RSPO3: variants seen among roughly 807,000 people sequenced by gnomAD.
RSPO3 encodes the protein R-spondin 3.
In RSPO3, 17 loss-of-function variants were observed where a neutral mutation model predicts 36.5. The observed-to-expected ratio is 0.47, with a 90% CI of 0.32 to 0.70. The LOEUF is 0.70. Ranked by LOEUF, RSPO3 falls within the 30% of genes least tolerant of loss-of-function variation. RSPO3 has a pLI of 0.04. For missense variants in RSPO3, 294 were observed against 322.5 expected, an observed-to-expected ratio of 0.91 and a Z score of 0.68; for synonymous variants, 108 against 107.0, an observed-to-expected ratio of 1.01 and a Z score of -0.06.
chr6:127,143,608 T>C (rs1328415989), intron 1 of RSPO3, among the ~76,000 whole-genome samples: 1 of 152,208 alleles, frequency 6.6e-6, no homozygotes, highest in Non-Finnish European at 1.5e-5. Flanking sequence ...GTCAAACCTG[T>C]CTTATTAGTC....
intron 4 of RSPO3, among the ~76,000 whole-genome samples, chr6:127,189,272 G>A (rs1775359975): frequency 6.6e-6 from 1 of 151,878 alleles, no homozygotes; most frequent in Non-Finnish European, 1.5e-5. Flanking sequence ...GAGTGAGGAA[G>A]GTTTCCCTGA....
intron 1 of RSPO3, 78 bp from the exon 2 acceptor site, chr6:127,148,570 A>C: frequency 8.2e-7 from 1 of 1,214,290 alleles, no homozygotes; most frequent in South Asian, 1.7e-5. Flanking sequence ...GAAAGAGAAC[A>C]TATATCCTGC....
chr6:127,179,601 T>C (rs1775139573), intron 4 of RSPO3, among the ~76,000 whole-genome samples: 1 of 151,914 alleles, frequency 6.6e-6, no homozygotes, highest in African/African-American at 2.4e-5. Context: ...ATTAGTTTTT[T>C]GTTGCTGTCA....
chr6:127,186,064 G>A (rs960559011), intron 4 of RSPO3, among the ~76,000 whole-genome samples: 11 of 152,020 alleles, frequency 7.2e-5, no homozygotes, highest in Admixed American at 3.3e-4. Flanking sequence ...TTTGGAATTC[G>A]TTCAATTCTT....
Position 127,195,633 on chromosome 6 carries a change from C to T in RSPO3, c.635-190C>T, listed in dbSNP as rs59094281. Among the ~76,000 whole-genome samples the T allele has an allele frequency of 5.2e-3, 796 of 152,194 alleles. 6 individuals carry two copies. Among genetic ancestry groups the T allele is most frequent in the African/African-American group, 0.017 (726 of 41,508 alleles). On this transcript the variant is annotated intron_variant, in intron 4 of 4. Transcript: ENST00000356698. ...GTTAGTTGCCTTATTATATCATATA[C>T]GTGTTTCACATTTACATTGTTTGGA... is the stretch of plus-strand genomic sequence containing the variant.
chr6:127,128,085 T>C (rs1180169141), intron 1 of RSPO3, among the ~76,000 whole-genome samples: 1 of 152,110 alleles, frequency 6.6e-6, no homozygotes, highest in African/African-American at 2.4e-5. Flanking sequence ...AAGATTAATG[T>C]AGGCATGAGA....
intron 1 of RSPO3, among the ~76,000 whole-genome samples, chr6:127,142,037 T>C (rs1774282200): frequency 1.3e-5 from 2 of 152,134 alleles, no homozygotes; most frequent in South Asian, 4.1e-4. Context: ...TGATAAACAG[T>C]ATTTCAAAAA....
At chr6:127,133,855 C>T (rs549816550) in intron 1 of RSPO3, among the ~76,000 whole-genome samples, 10 of 152,080 alleles carry the variant, frequency 6.6e-5, no homozygotes, top group Middle Eastern at 3.4e-3. Flanking sequence ...GCCAAAATTA[C>T]GAAAATGAGC....
chr6:127,157,585 C>G (rs1343567521), intron 4 of RSPO3, among the ~76,000 whole-genome samples: 1 of 152,006 alleles, frequency 6.6e-6, no homozygotes, highest in Admixed American at 6.6e-5. Flanking sequence ...TTCTTCCCCT[C>G]TGAGGATACA....
chr6:127,159,622 T>C (rs1385920027), intron 4 of RSPO3, among the ~76,000 whole-genome samples: 1 of 150,478 alleles, frequency 6.6e-6, no homozygotes. Flanking sequence ...AGGCATTATA[T>C]AAAGGCATTA....
chr6:127,138,948 G>A (rs899883696), intron 1 of RSPO3, among the ~76,000 whole-genome samples: 1 of 152,158 alleles, frequency 6.6e-6, no homozygotes, highest in Non-Finnish European at 1.5e-5. Flanking sequence ...CTGTCCCTGT[G>A]CTCTTCTGGG....
chr6:127,195,639 T>G (rs1775499119), intron 4 of RSPO3, among the ~76,000 whole-genome samples, 184 bp from the exon 5 acceptor site: 1 of 152,200 alleles, frequency 6.6e-6, no homozygotes, highest in African/African-American at 2.4e-5. Flanking sequence ...TATACGTGTT[T>G]CACATTTACA....
At chr6:127,152,037 G>C (rs1277781905) in intron 3 of RSPO3, among the ~76,000 whole-genome samples, 1 of 152,104 alleles carries the variant, frequency 6.6e-6, no homozygotes, top group Non-Finnish European at 1.5e-5. Context: ...TTCAGTCCTG[G>C]AAAGGCTATT....
At position 127,198,624 on chromosome 6, in the gene RSPO3, G is replaced by T. The variant is rs1775561083; in HGVS notation, c.*2617G>T. Among the ~76,000 whole-genome samples the T allele has an allele frequency of 6.6e-6, 1 of 152,328 alleles. No individual in the cohort carries two copies. Among genetic ancestry groups the T allele is most frequent in the Middle Eastern group, 3.4e-3 (1 of 294 alleles). On this transcript the variant is annotated 3_prime_UTR_variant, in exon 5 of 5. Coordinates refer to ENST00000356698, the MANE Select transcript of RSPO3 (RefSeq NM_032784.5). ...TCTGTTAATGTCTGATCAAGCTCCT[G>T]CCCTGTTCTCCGAATTCAGCTTCAT... is the stretch of plus-strand genomic sequence containing the variant.
chr6:127,181,089 C>A (rs542566776), intron 4 of RSPO3, among the ~76,000 whole-genome samples: 116 of 151,832 alleles, frequency 7.6e-4, no homozygotes, highest in Non-Finnish European at 1.3e-3. Context: ...TAAGTAATAT[C>A]CCCCAAAGAT....
chr6:127,159,802 C>T (rs1264828151), intron 4 of RSPO3, among the ~76,000 whole-genome samples: 1 of 151,926 alleles, frequency 6.6e-6, no homozygotes, highest in Non-Finnish European at 1.5e-5. Flanking sequence ...GCACACGCTG[C>T]CACACCTGGC....
At position 127,199,004 on chromosome 6, in the gene RSPO3, A is replaced by T. The variant is rs556963507; in HGVS notation, c.*2997A>T. ...AGTGGTTATTAAATATTGAAATAAC[A>T]CTGGGAAGAAAAAGCATATATAAAT... is the stretch of plus-strand genomic sequence containing the variant. On this transcript the variant is annotated 3_prime_UTR_variant, in exon 5 of 5. Coordinates refer to ENST00000356698, the MANE Select transcript of RSPO3 (RefSeq NM_032784.5). 2.0e-5 allele frequency among the ~76,000 whole-genome samples: 3 copies of T among 152,378 alleles called. No individual in the cohort carries two copies. The East Asian group carries it at 5.8e-4, about 29-fold the overall frequency.
intron 1 of RSPO3, among the ~76,000 whole-genome samples, chr6:127,135,034 T>C (rs1213096199): frequency 6.6e-6 from 1 of 151,948 alleles, no homozygotes; most frequent in Admixed American, 6.6e-5. Flanking sequence ...AACGTGAGGG[T>C]GTGAGAAAAT....
chr6:127,186,352 C>A (rs574374360), intron 4 of RSPO3, among the ~76,000 whole-genome samples: 1 of 152,068 alleles, frequency 6.6e-6, no homozygotes, highest in Non-Finnish European at 1.5e-5. Context: ...TTAAACTCTA[C>A]ATAAAAGCTA....
Sources: allele counts gnomAD v4.1 joint callset (sites outside exome capture counted in the v4.1 genomes callset), GRCh38; gene constraint gnomAD v4.1.1; transcripts MANE v1.5; gene names NCBI Gene and HGNC (gene_info 2026-07-23, HGNC 2026-07-21).